The following MAP3K7CL variants were observed in gnomAD, a reference collection of about 807,000 sequenced individuals.
The protein encoded by MAP3K7CL is MAP3K7 C-terminal-like protein.
MAP3K7CL carries 16 observed loss-of-function variants against 18.6 expected under a neutral mutation model. The observed-to-expected ratio is 0.86, with a 90% CI of 0.58 to 1.31. The LOEUF (loss-of-function observed/expected upper bound fraction) is 1.31, where lower values mean the gene tolerates loss of function less well. Ranked by LOEUF, MAP3K7CL falls within the 50% of genes most tolerant of loss-of-function variation. The probability of loss-of-function intolerance (pLI) is 0.00; values close to 1 mark genes in which losing one functional copy is unlikely to be tolerated. For missense variants in MAP3K7CL, 163 were observed against 174.4 expected, an observed-to-expected ratio of 0.93 and a Z score of 0.37; for synonymous variants, 65 against 66.8, an observed-to-expected ratio of 0.97 and a Z score of 0.13.
intron 4 of MAP3K7CL, among the ~76,000 whole-genome samples, chr21:29,093,780 C>T (rs28649607): frequency 0.3 from 45,039 of 151,796 alleles, 6,863 homozygotes; most frequent in African/African-American, 0.37. Context: ...CGTGAGCCAC[C>T]GCGCCCGGCC....
intron 4 of MAP3K7CL, among the ~76,000 whole-genome samples, chr21:29,098,432 G>T (rs2832174): frequency 0.19 from 28,354 of 151,672 alleles, 2,876 homozygotes; most frequent in South Asian, 0.23. Context: ...TTTATATATG[G>T]TCTCCATGGA....
At chr21:29,095,468 C>CT (rs2086106731) in intron 4 of MAP3K7CL, among the ~76,000 whole-genome samples, 1 of 152,204 alleles carries the variant, frequency 6.6e-6, no homozygotes, top group South Asian at 2.1e-4. Flanking sequence ...GAGCCGTCCT[C>CT]TTTTGCCTCT....
chr21:29,092,355 G>T, intron 3 of MAP3K7CL: 1 of 1,531,580 alleles, frequency 6.5e-7, no homozygotes. Context: ...TTTCTTCTCA[G>T]GGAAAAAAAG....
At chr21:29,091,395 C>A in intron 1 of MAP3K7CL, 14 of 559,472 alleles carry the variant, frequency 2.5e-5, no homozygotes, top group Non-Finnish European at 3.8e-5. Context: ...CACTCTAGTT[C>A]CCTCCATCAC....
At chr21:29,101,244 G>C (rs1487882729) in intron 4 of MAP3K7CL, among the ~76,000 whole-genome samples, 1 of 152,136 alleles carries the variant, frequency 6.6e-6, no homozygotes, top group Non-Finnish European at 1.5e-5. Context: ...GCAGGAAGTG[G>C]AATCATTGGA....
At position 29,088,146 on chromosome 21, in the gene MAP3K7CL, A is replaced by T. The variant is rs558847244; in HGVS notation, c.57+2229A>T. On this transcript the variant is annotated intron_variant, in intron 1 of 6. Transcript: ENST00000286791. ...CAAGAGAGAGCAGAGCTGGAAAAAC[A>T]TTTCACTTGTGTTCTCATAACTCTG... 9.2e-5 allele frequency among the ~76,000 whole-genome samples: 14 copies of T among 152,296 alleles called. No homozygotes were observed. The South Asian group carries it at 2.9e-3, about 32-fold the overall frequency.
At chr21:29,137,717 G>A (rs568150090) in intron 2 of MAP3K7CL, among the ~76,000 whole-genome samples, 32 of 152,178 alleles carry the variant, frequency 2.1e-4, no homozygotes, top group African/African-American at 6.7e-4. Flanking sequence ...GTTGTCTACC[G>A]AGCCCTGCTT....
intron 2 of MAP3K7CL, among the ~76,000 whole-genome samples, chr21:29,134,527 C>A (rs2086842586): frequency 6.6e-6 from 1 of 152,154 alleles, no homozygotes; most frequent in African/African-American, 2.4e-5. Context: ...AGGATGTATT[C>A]CGTAGCAGGA....
intron 4 of MAP3K7CL, among the ~76,000 whole-genome samples, chr21:29,113,903 G>A (rs1341335394): frequency 1.3e-5 from 2 of 152,154 alleles, no homozygotes; most frequent in Non-Finnish European, 2.9e-5. Context: ...TGCACTGGGC[G>A]AGGGCATTTG....
Position 29,101,983 on chromosome 21 carries a change from A to G in MAP3K7CL, c.370+9402A>G, listed in dbSNP as rs181520596. Among the ~76,000 whole-genome samples the G allele has an allele frequency of 5.6e-4, 86 of 152,342 alleles. 1 individual carries two copies. Among genetic ancestry groups the G allele is most frequent in the African/African-American group, 1.9e-3 (80 of 41,582 alleles). ...CTCTCTGGGTGTGCAAAACCCACCA[A>G]CAGAGAAAGTGACTGAGAGATGGAG... On this transcript the variant is annotated intron_variant, in intron 4 of 6. Transcript: ENST00000286791.
chr21:29,109,262 A>C, intron 4 of MAP3K7CL: 2 of 1,533,752 alleles, frequency 1.3e-6, no homozygotes, highest in Non-Finnish European at 1.7e-6. Flanking sequence ...ATACAACCAG[A>C]TAGTGCATGT....
chr21:29,155,591 G>A (rs1410857228), intron 3 of MAP3K7CL, among the ~76,000 whole-genome samples: 2 of 152,118 alleles, frequency 1.3e-5, no homozygotes, highest in Non-Finnish European at 2.9e-5. Flanking sequence ...GGCTCAAGCC[G>A]GCATTCTTGG....
chr21:29,126,830 G>C (rs975346289), upstream of MAP3K7CL, among the ~76,000 whole-genome samples: 1 of 152,166 alleles, frequency 6.6e-6, no homozygotes, highest in Non-Finnish European at 1.5e-5. Flanking sequence ...TAATGGAAGA[G>C]TGATTATTTT....
intron 4 of MAP3K7CL, among the ~76,000 whole-genome samples, 183 bp from the exon 5 acceptor site, chr21:29,174,529 A>G (rs2087918927): frequency 6.6e-6 from 1 of 152,230 alleles, no homozygotes; most frequent in African/African-American, 2.4e-5. Flanking sequence ...TCGAGGTGCT[A>G]GAATAAAGGG....
chr21:29,093,440 T>G (rs1455237227), intron 4 of MAP3K7CL, among the ~76,000 whole-genome samples: 1 of 152,140 alleles, frequency 6.6e-6, no homozygotes, highest in African/African-American at 2.4e-5. Flanking sequence ...GTAATTCTCT[T>G]TATTTATGAA....
chr21:29,104,955 C>T (rs1184840174), intron 4 of MAP3K7CL, among the ~76,000 whole-genome samples: 1 of 152,186 alleles, frequency 6.6e-6, no homozygotes, highest in Non-Finnish European at 1.5e-5. Context: ...CCTGGAGAAA[C>T]TCAGGGTTCT....
At chr21:29,129,517 G>A (rs559611423), upstream of MAP3K7CL, among the ~76,000 whole-genome samples, 1 of 152,262 alleles carries the variant, frequency 6.6e-6, no homozygotes, top group South Asian at 2.1e-4. Context: ...TGGCTTGATA[G>A]TTTTTCTTTT....
At chr21:29,123,404 C>T (rs911405089) in intron 4 of MAP3K7CL, among the ~76,000 whole-genome samples, 9 of 151,876 alleles carry the variant, frequency 5.9e-5, no homozygotes, top group African/African-American at 2.2e-4. Context: ...ATGAAGTAGT[C>T]CTGCAAAAAA....
intron 3 of MAP3K7CL, among the ~76,000 whole-genome samples, chr21:29,151,198 C>A (rs67287920): frequency 0.47 from 71,267 of 150,970 alleles, 16,908 homozygotes; most frequent in East Asian, 0.6. Flanking sequence ...GCCATTGGCC[C>A]GGTGCCGTGG....
Sources: allele counts gnomAD v4.1 joint callset (sites outside exome capture counted in the v4.1 genomes callset), GRCh38; gene constraint gnomAD v4.1.1; transcripts MANE v1.5; gene names NCBI Gene and HGNC (gene_info 2026-07-23, HGNC 2026-07-21).